Variants in MCC observed in about 807,000 individuals in gnomAD.
MCC encodes MCC regulator of Wnt signaling pathway, also known as colorectal mutant cancer protein.
MCC carries 90 observed loss-of-function variants against 116.2 expected under a neutral mutation model. The observed-to-expected ratio is 0.77, with a 90% CI of 0.65 to 0.92. The LOEUF (loss-of-function observed/expected upper bound fraction) is 0.92. MCC is among the 40% of genes least tolerant of loss of function. The probability of loss-of-function intolerance (pLI) is 0.00; values close to 1 mark genes in which losing one functional copy is unlikely to be tolerated. For missense variants in MCC, 1,516 were observed against 1,312.2 expected, an observed-to-expected ratio of 1.16 and a Z score of -2.40; for synonymous variants, 578 against 510.5, an observed-to-expected ratio of 1.13 and a Z score of -1.78.
At chr5:113,170,063 G>A (rs1243975236) in intron 3 of MCC, among the ~76,000 whole-genome samples, 1 of 152,182 alleles carries the variant, frequency 6.6e-6, no homozygotes, top group Admixed American at 6.6e-5. Flanking sequence ...ACACATCTAA[G>A]CTCCAATACA....
At chr5:113,369,341 C>T (rs368448762) in intron 2 of MCC, among the ~76,000 whole-genome samples, 2 of 152,100 alleles carry the variant, frequency 1.3e-5, no homozygotes, top group Admixed American at 1.3e-4. Context: ...AAATACCTCA[C>T]ATTTGGAGAT....
chr5:113,434,079 T>C lies in MCC; in HGVS notation c.171-48867A>G, dbSNP rs200978152. The C allele has an allele frequency of 6.2e-7, 1 of 1,614,068 alleles. No homozygotes were observed. The highest frequency in any genetic ancestry group is 1.3e-5 in the African/African-American group (1 of 74,946). ...GTGGAGCCGCCGGTTGACGTCGGGC[T>C]GCAGCATGTGGTAGATGAGGTCCTT... On this transcript the variant is annotated intron_variant, in intron 1 of 18. Coordinates refer to ENST00000408903, the MANE Select transcript of MCC (RefSeq NM_001085377.2). The surrounding 1 kb of genome is among the most constrained non-coding windows in gnomAD (Gnocchi z 4.2).
At chr5:113,169,054 T>C (rs1159061771) in intron 3 of MCC, among the ~76,000 whole-genome samples, 2 of 152,044 alleles carry the variant, frequency 1.3e-5, no homozygotes, top group Non-Finnish European at 2.9e-5. Context: ...CAGAGCACCC[T>C]GAATGCCTCC....
intron 1 of MCC, among the ~76,000 whole-genome samples, chr5:113,466,509 A>T (rs1053347347): frequency 2.0e-5 from 3 of 152,014 alleles, no homozygotes; most frequent in African/African-American, 7.3e-5. Flanking sequence ...CAAAGGACAC[A>T]AACTCATCAT....
chr5:113,174,905 A>T (rs553435302), intron 3 of MCC, among the ~76,000 whole-genome samples: 3 of 152,126 alleles, frequency 2.0e-5, no homozygotes, highest in African/African-American at 4.8e-5. Context: ...TTTTTTTTTT[A>T]AATGTTAAGA....
At chr5:113,303,890 G>T (rs1168979351) in intron 3 of MCC, among the ~76,000 whole-genome samples, 1 of 152,064 alleles carries the variant, frequency 6.6e-6, no homozygotes, top group Non-Finnish European at 1.5e-5. Context: ...CCTGACTTCA[G>T]GTGATCCACC....
intron 1 of MCC, 82 bp downstream of exon 1, chr5:113,488,163 G>A: frequency 7.4e-7 from 1 of 1,353,986 alleles, no homozygotes; most frequent in South Asian, 1.7e-5. Context: ...CGCAAGTTGG[G>A]GCGAGGGGGC....
At chr5:113,346,196 A>T (rs1218888034) in intron 2 of MCC, among the ~76,000 whole-genome samples, 1 of 152,014 alleles carries the variant, frequency 6.6e-6, no homozygotes, top group Non-Finnish European at 1.5e-5. Flanking sequence ...AAAAAAGAAT[A>T]AAAAAAATGA....
At chr5:113,229,927 C>A (rs72805248) in intron 3 of MCC, among the ~76,000 whole-genome samples, 6,053 of 152,256 alleles carry the variant, frequency 0.04, 177 homozygotes, top group Non-Finnish European at 0.06. Context: ...GATCCCCTAA[C>A]AACACATTTC....
At chr5:113,238,979 T>A (rs1764257415) in intron 3 of MCC, among the ~76,000 whole-genome samples, 1 of 152,246 alleles carries the variant, frequency 6.6e-6, no homozygotes, top group Non-Finnish European at 1.5e-5. Context: ...GAGGTAACTA[T>A]GACAATTCAT....
intron 1 of MCC, among the ~76,000 whole-genome samples, chr5:113,485,471 T>C (rs906271691): frequency 2.6e-5 from 4 of 152,186 alleles, no homozygotes; most frequent in Admixed American, 6.5e-5. Context: ...GGTTAAGTGA[T>C]GTAGTTTGAC....
intron 3 of MCC, among the ~76,000 whole-genome samples, chr5:113,196,092 G>A (rs1256889258): frequency 6.6e-6 from 1 of 152,238 alleles, no homozygotes; most frequent in Admixed American, 6.5e-5. Context: ...TGCCTCGGTT[G>A]GCACATAGTG....
At chr5:113,288,907 G>C (rs1046918137) in intron 3 of MCC, among the ~76,000 whole-genome samples, 14 of 152,182 alleles carry the variant, frequency 9.2e-5, no homozygotes. Context: ...CAGAGTTTTA[G>C]ACAAGCATGT....
At chr5:113,294,108 C>G (rs1417835756) in intron 3 of MCC, among the ~76,000 whole-genome samples, 4 of 152,152 alleles carry the variant, frequency 2.6e-5, no homozygotes, top group Non-Finnish European at 5.9e-5. Flanking sequence ...TTTTAAGCCA[C>G]TCATTTCAGA....
chr5:113,416,145 C>T (rs997558103), intron 1 of MCC, among the ~76,000 whole-genome samples: 1 of 152,172 alleles, frequency 6.6e-6, no homozygotes, highest in East Asian at 1.9e-4. Context: ...GCATTGATCA[C>T]GCTGGGAGGT....
intron 1 of MCC, among the ~76,000 whole-genome samples, chr5:113,483,203 T>A (rs1772424657): frequency 6.6e-6 from 1 of 152,232 alleles, no homozygotes; most frequent in Non-Finnish European, 1.5e-5. Flanking sequence ...TTAGAAAGCA[T>A]GAATCCTCCA....
At chr5:113,402,825 G>A (rs1413365510) in intron 1 of MCC, among the ~76,000 whole-genome samples, 1 of 152,074 alleles carries the variant, frequency 6.6e-6, no homozygotes. Flanking sequence ...AGTATTACAT[G>A]AAGATATCGT....
intron 3 of MCC, among the ~76,000 whole-genome samples, chr5:113,184,472 G>GT (rs200787776): frequency 0.024 from 2,958 of 122,542 alleles, 108 homozygotes; most frequent in Non-Finnish European, 0.032. Context: ...TTCTTTCTTC[G>GT]TTTTTTGTTT....
chr5:113,194,364 C>T (rs1011660073), intron 3 of MCC, among the ~76,000 whole-genome samples: 1 of 152,142 alleles, frequency 6.6e-6, no homozygotes, highest in African/African-American at 2.4e-5. Flanking sequence ...AACAACTTGA[C>T]ACTACTCAAA....
Sources: allele counts gnomAD v4.1 joint callset (sites outside exome capture counted in the v4.1 genomes callset), GRCh38; gene constraint gnomAD v4.1.1; non-coding constraint Gnocchi (gnomAD v3.1); transcripts MANE v1.5; gene names NCBI Gene and HGNC (gene_info 2026-07-23, HGNC 2026-07-21).